The following AHCYL2 variants were observed in gnomAD, a reference collection of about 807,000 sequenced individuals.
The protein encoded by AHCYL2 is S-adenosylhomocysteine hydrolase-like protein 2.
Under a neutral mutation model 81.4 loss-of-function variants are expected in AHCYL2, and 28 were observed. The observed-to-expected ratio is 0.34, with a 90% CI of 0.25 to 0.47. AHCYL2 has a LOEUF of 0.47. Among genes scored for constraint, AHCYL2 ranks in the 20% least tolerant of loss-of-function variants. AHCYL2 has a pLI of 1.00. For synonymous variants in AHCYL2, 272 were observed against 290.2 expected (o/e 0.94, Z 0.64); for missense variants, 551 against 785.1 (o/e 0.70, Z 3.56).
intron 1 of AHCYL2, among the ~76,000 whole-genome samples, chr7:129,370,305 A>G (rs150899720): frequency 1.6e-3 from 249 of 152,320 alleles, no homozygotes; most frequent in African/African-American, 5.8e-3. Flanking sequence ...ACCACTGCAT[A>G]AGGGATATGA....
At chr7:129,321,467 T>A (rs1455636698) in intron 1 of AHCYL2, among the ~76,000 whole-genome samples, 3 of 152,200 alleles carry the variant, frequency 2.0e-5, no homozygotes, top group Admixed American at 2.0e-4. Flanking sequence ...TTATATTGAT[T>A]GATTTTCATA....
intron 1 of AHCYL2, 26 bp from the exon 2 acceptor site, chr7:129,379,612 T>C (rs1446582070): frequency 6.3e-7 from 1 of 1,583,084 alleles, no homozygotes; most frequent in Non-Finnish European, 8.6e-7. Flanking sequence ...TCTTTTTCTT[T>C]ATATAACTAG....
chr7:129,425,126 T>C lies in AHCYL2; in HGVS notation c.1693T>C (p.Leu565=). ...EGRYKQDVYL[L]PKKMDEYVAS... is the part of the protein sequence containing the mutation. ...TCGCTATAAGCAGGATGTCTACCTGTTGCCCAAGAAGATGGGTAAGTATTT... is the reference window on the plus strand; with the variant it reads ...TCGCTATAAGCAGGATGTCTACCTGCTGCCCAAGAAGATGGGTAAGTATTT... The change falls in exon 15 of 17, where the codon TTG becomes CTG. Residue 565 remains leucine (L), a synonymous_variant. Transcript: ENST00000325006. 6.2e-7 allele frequency: 1 copy of C among 1,613,296 alleles called. No homozygotes were observed. The highest frequency in any genetic ancestry group is 8.5e-7 in the Non-Finnish European group (1 of 1,179,920).
At position 129,405,094 on chromosome 7, in the gene AHCYL2, C is replaced by T. The variant is rs559351189; in HGVS notation, c.1026-3C>T. 16 of 1,586,410 alleles carry T rather than the reference C, an allele frequency of 1.0e-5. No individual in the cohort carries two copies. The South Asian group carries it at 1.6e-4, about 16-fold the overall frequency. On this transcript the variant is annotated splice_region_variant and splice_polypyrimidine_tract_variant and intron_variant, in intron 7 of 16. Transcript: ENST00000325006. ...TTTTGTTCTTGGCTTCCCTCATCCT[C>T]AGGCTGTACCAACTGTCCAAAGCTG... is the stretch of plus-strand genomic sequence containing the variant.
intron 1 of AHCYL2, among the ~76,000 whole-genome samples, chr7:129,313,783 G>A (rs927532509): frequency 1.3e-5 from 2 of 152,284 alleles, no homozygotes; most frequent in East Asian, 3.9e-4. Context: ...TAGTTGATTG[G>A]TTTTAAGGAA....
chr7:129,397,016 G>C (rs2150920845), intron 4 of AHCYL2, among the ~76,000 whole-genome samples: 1 of 152,248 alleles, frequency 6.6e-6, no homozygotes, highest in African/African-American at 2.4e-5. Context: ...TAAAAACATA[G>C]AGTCAGCTGG....
At position 129,427,010 on chromosome 7, in the gene AHCYL2, C is replaced by T. The variant is rs374014375; in HGVS notation, c.1830-29C>T. On this transcript the variant is annotated intron_variant, in intron 16 of 16. Coordinates refer to ENST00000325006, the MANE Select transcript of AHCYL2 (RefSeq NM_015328.4). This position sits in a 1 kb window ranked among gnomAD's most constrained non-coding sequence, Gnocchi z 5.5. ...CAGCATCCCCATTAGCTGATAACATCACAGTCTCATCTTTCTTTTTCCCTC... is the reference window on the plus strand; with the variant it reads ...CAGCATCCCCATTAGCTGATAACATTACAGTCTCATCTTTCTTTTTCCCTC... 1.9e-6 allele frequency: 3 copies of T among 1,609,060 alleles called. No homozygotes were observed. Among genetic ancestry groups the T allele is most frequent in the East Asian group, 4.5e-5 (2 of 44,858 alleles).
rs1796295931 is a variant in AHCYL2 at position 129,406,136 on chromosome 7, T to C, written c.1206+237T>C. Among the ~76,000 whole-genome samples, 1 of 152,242 alleles carries C rather than the reference T, an allele frequency of 6.6e-6. No homozygotes were observed. Among genetic ancestry groups the C allele is most frequent in the South Asian group, 2.1e-4 (1 of 4,836 alleles). Reference sequence around the variant, plus strand: ...CACCGTTTGTGATGTTCTTTTTAGCTTGTGTTTTAATTATGAATCGTGAGT... The same window carrying C: ...CACCGTTTGTGATGTTCTTTTTAGCCTGTGTTTTAATTATGAATCGTGAGT... On this transcript the variant is annotated intron_variant, in intron 9 of 16. Coordinates refer to ENST00000325006, the MANE Select transcript of AHCYL2 (RefSeq NM_015328.4). This position sits in a 1 kb window ranked among gnomAD's most constrained non-coding sequence, Gnocchi z 4.3.
chr7:129,303,210 G>T lies in AHCYL2; in HGVS notation c.364-76428G>T, dbSNP rs139322009. Among the ~76,000 whole-genome samples, 515 of 152,238 alleles carry T rather than the reference G, an allele frequency of 3.4e-3. 1 individual carries two copies. Among genetic ancestry groups the T allele is most frequent in the African/African-American group, 0.012 (498 of 41,530 alleles). ...AGACTGGTTTCTCCATGTTGGTCAG[G>T]CTGGTCTCGAACTCCCAACCTCAGG... On this transcript the variant is annotated intron_variant, in intron 1 of 16. Coordinates refer to ENST00000325006, the MANE Select transcript of AHCYL2 (RefSeq NM_015328.4).
Position 129,298,222 on chromosome 7 carries a change from A to G in AHCYL2, c.363+72783A>G, listed in dbSNP as rs189435088. On this transcript the variant is annotated intron_variant, in intron 1 of 16. Coordinates refer to ENST00000325006, the MANE Select transcript of AHCYL2 (RefSeq NM_015328.4). ...AAAACTTATAAATTAGGTTCATATT[A>G]TATAGGGAGTGGGGTATTCACCAGC... 1.6e-4 allele frequency among the ~76,000 whole-genome samples: 25 copies of G among 152,322 alleles called. No homozygotes were observed. The East Asian group carries it at 1.7e-3, about 11-fold the overall frequency.
intron 1 of AHCYL2, among the ~76,000 whole-genome samples, chr7:129,370,018 A>G (rs560982377): frequency 2.6e-5 from 4 of 152,310 alleles, no homozygotes; most frequent in African/African-American, 9.6e-5. Context: ...AAGAGGGAAA[A>G]AGAAATTTGG....
chr7:129,313,952 T>C (rs73722943), intron 1 of AHCYL2, among the ~76,000 whole-genome samples: 1 of 152,166 alleles, frequency 6.6e-6, no homozygotes, highest in South Asian at 2.1e-4. Context: ...ATGTAGCATT[T>C]ATAGGTACTG....
intron 1 of AHCYL2, among the ~76,000 whole-genome samples, chr7:129,310,756 G>A (rs1797626823): frequency 2.0e-5 from 3 of 152,130 alleles, no homozygotes; most frequent in Admixed American, 1.3e-4. Flanking sequence ...GAATAAGGGA[G>A]TTAGAGTTGC....
At position 129,406,334 on chromosome 7, in the gene AHCYL2, T is replaced by G. The variant is rs751638658; in HGVS notation, c.1207-44T>G. 1.0e-4 allele frequency: 162 copies of G among 1,583,470 alleles called. No individual in the cohort carries two copies. The highest frequency in any genetic ancestry group is 1.4e-4 in the Non-Finnish European group (157 of 1,152,762). On this transcript the variant is annotated intron_variant, in intron 9 of 16. Transcript: ENST00000325006. The surrounding 1 kb of genome is among the most constrained non-coding windows in gnomAD (Gnocchi z 4.3). The stretch of plus-strand genomic sequence containing the variant: ...TACCAGAAGCTTTGAGAAATGGTTT[T>G]CTCAGTGACTTTCCTTAATATGTGT...
chr7:129,410,209 G>A, intron 11 of AHCYL2: 1 of 1,612,600 alleles, frequency 6.2e-7, no homozygotes, highest in South Asian at 1.1e-5. Context: ...CCCGGCTCTT[G>A]GGATCACTGC....
intron 1 of AHCYL2, among the ~76,000 whole-genome samples, chr7:129,344,053 A>C (rs547115746): frequency 1.6e-4 from 24 of 152,308 alleles, no homozygotes; most frequent in African/African-American, 4.1e-4. Flanking sequence ...ACCACGAGAG[A>C]AGTGCAAATT....
intron 1 of AHCYL2, among the ~76,000 whole-genome samples, chr7:129,234,209 C>G (rs1034545596): frequency 6.6e-5 from 10 of 152,058 alleles, no homozygotes; most frequent in African/African-American, 1.7e-4. Context: ...TGCCACCATA[C>G]CTGGCTAATT....
chr7:129,404,267 G>A (rs1236133825), intron 7 of AHCYL2, among the ~76,000 whole-genome samples: 1 of 152,010 alleles, frequency 6.6e-6, no homozygotes, highest in Non-Finnish European at 1.5e-5. Context: ...GTAGGGTTCT[G>A]CTTCTCAAAT....
chr7:129,298,415 A>G (rs1394492205), intron 1 of AHCYL2, among the ~76,000 whole-genome samples: 1 of 152,172 alleles, frequency 6.6e-6, no homozygotes, highest in Non-Finnish European at 1.5e-5. Flanking sequence ...CTGGTATCAA[A>G]TTTTGCTTCT....
Sources: allele counts gnomAD v4.1 joint callset (sites outside exome capture counted in the v4.1 genomes callset), GRCh38; gene constraint gnomAD v4.1.1; non-coding constraint Gnocchi (gnomAD v3.1); transcripts MANE v1.5; gene names NCBI Gene and HGNC (gene_info 2026-07-23, HGNC 2026-07-21).